The following OSBPL3 variants were observed in gnomAD, a reference collection of about 807,000 sequenced individuals.
The protein encoded by OSBPL3 is oxysterol-binding protein-related protein 3.
A neutral mutation model predicts 120.1 loss-of-function variants in OSBPL3; 65 were observed. The observed-to-expected ratio is 0.54, with a 90% CI of 0.44 to 0.67. The LOEUF (loss-of-function observed/expected upper bound fraction) is 0.67, where lower values mean the gene tolerates loss of function less well. Among genes scored for constraint, OSBPL3 ranks in the 30% least tolerant of loss-of-function variants. The probability of loss-of-function intolerance (pLI) is 0.00; values close to 1 mark genes in which losing one functional copy is unlikely to be tolerated. For missense variants in OSBPL3, 1,004 were observed against 1,082.1 expected, an observed-to-expected ratio of 0.93 and a Z score of 1.01; for synonymous variants, 416 against 402.6, an observed-to-expected ratio of 1.03 and a Z score of -0.40.
At chr7:24,914,676 G>C (rs1562921569) in intron 1 of OSBPL3, among the ~76,000 whole-genome samples, 1 of 152,142 alleles carries the variant, frequency 6.6e-6, no homozygotes, top group Non-Finnish European at 1.5e-5. Context: ...CAAAACTTAA[G>C]TGTGTGAAGT....
intron 11 of OSBPL3, among the ~76,000 whole-genome samples, chr7:24,850,919 A>T (rs1421029065): frequency 6.6e-6 from 1 of 152,266 alleles, no homozygotes; most frequent in African/African-American, 2.4e-5. Context: ...AAGGAAAGAA[A>T]GGATCATTCG....
At chr7:24,892,079 C>G (rs1372866982) in intron 2 of OSBPL3, among the ~76,000 whole-genome samples, 1 of 152,116 alleles carries the variant, frequency 6.6e-6, no homozygotes, top group Non-Finnish European at 1.5e-5. Context: ...GGGCAAGTAA[C>G]CTGGTCAGTC....
Position 24,880,809 on chromosome 7 carries a change from C to T in OSBPL3, c.97-8740G>A, listed in dbSNP as rs571053388. Among the ~76,000 whole-genome samples, 4 of 152,320 alleles carry T rather than the reference C, an allele frequency of 2.6e-5. No homozygotes were observed. The South Asian group carries it at 8.3e-4, about 32-fold the overall frequency. Reference sequence around the variant, plus strand: ...TATGAAGGGGAGAAAAACTCCAAAACAGGCTCCTGTGTGAATGGGACTGGG... The same window carrying T: ...TATGAAGGGGAGAAAAACTCCAAAATAGGCTCCTGTGTGAATGGGACTGGG... On this transcript the variant is annotated intron_variant, in intron 2 of 22. Transcript: ENST00000313367.
intron 1 of OSBPL3, among the ~76,000 whole-genome samples, chr7:24,914,448 T>G (rs1809271399): frequency 6.6e-6 from 1 of 152,256 alleles, no homozygotes; most frequent in African/African-American, 2.4e-5. Context: ...TTATTGAAAT[T>G]TACATAGCCA....
chr7:24,926,132 G>A (rs775177844), intron 1 of OSBPL3, among the ~76,000 whole-genome samples: 1 of 152,180 alleles, frequency 6.6e-6, no homozygotes, highest in Non-Finnish European at 1.5e-5. Flanking sequence ...CCCCTCAGGT[G>A]TACTGAATTG....
chr7:24,830,717 T>C lies in OSBPL3; in HGVS notation c.1884+51A>G, dbSNP rs1232320558. ...ATAAATATTTCAGAAGCACATTTAA[T>C]GGGAGACATAAGCAACCCCTCCCAA... On this transcript the variant is annotated intron_variant, in intron 16 of 22. Transcript: ENST00000313367. The surrounding 1 kb of genome is among the most constrained non-coding windows in gnomAD (Gnocchi z 4.4). 2 of 1,538,728 alleles carry C rather than the reference T, an allele frequency of 1.3e-6. No homozygotes were observed. The highest frequency in any genetic ancestry group is 4.6e-5 in the East Asian group (2 of 43,144).
rs374523521 is a variant in OSBPL3, at chr7:24,896,212, G to C, written c.-149-3591C>G. On this transcript the variant is annotated intron_variant, in intron 1 of 22. Transcript: ENST00000313367. The surrounding 1 kb of genome is among the most constrained non-coding windows in gnomAD (Gnocchi z 4.4). ...CAAACCACCTGGTGGTGAGGTTGAGGAGGAGAGAACTTATGGCCCTTTCCT... is the reference window on the plus strand; with the variant it reads ...CAAACCACCTGGTGGTGAGGTTGAGCAGGAGAGAACTTATGGCCCTTTCCT... 1.3e-5 allele frequency among the ~76,000 whole-genome samples: 2 copies of C among 152,224 alleles called. No individual in the cohort carries two copies. The highest frequency in any genetic ancestry group is 4.8e-5 in the African/African-American group (2 of 41,460).
Position 24,827,074 on chromosome 7 carries a change from C to T in OSBPL3, c.1884+3694G>A, listed in dbSNP as rs899298665. Among the ~76,000 whole-genome samples, 5 of 152,208 alleles carry T rather than the reference C, an allele frequency of 3.3e-5. No individual in the cohort carries two copies. Among genetic ancestry groups the T allele is most frequent in the Admixed American group, 3.3e-4 (5 of 15,274 alleles). The stretch of plus-strand genomic sequence containing the variant: ...TTGGAGATACAATTTCCATCATTAT[C>T]CTCCTTAGAAAAAAATTCCACCCAA... On this transcript the variant is annotated intron_variant, in intron 16 of 22. Transcript: ENST00000313367. The surrounding 1 kb of genome is among the most constrained non-coding windows in gnomAD (Gnocchi z 5.1).
At chr7:24,840,101 A>G (rs1012158115) in intron 14 of OSBPL3, among the ~76,000 whole-genome samples, 2 of 151,768 alleles carry the variant, frequency 1.3e-5, no homozygotes, top group African/African-American at 4.8e-5. Context: ...AAGCAGACAA[A>G]TTTATTTGAA....
rs1015054655 is a variant in OSBPL3, at chr7:24,821,503, A to G, written c.1885-1265T>C. On this transcript the variant is annotated intron_variant, in intron 16 of 22. Transcript: ENST00000313367. The surrounding 1 kb of genome is among the most constrained non-coding windows in gnomAD (Gnocchi z 5.5). ...TCCTTGGGACCCTCAGCTGAGGAAC[A>G]TGGTTTGAAAACTACTTCTGTATGC... 2.0e-5 allele frequency among the ~76,000 whole-genome samples: 3 copies of G among 152,282 alleles called. No homozygotes were observed. Among genetic ancestry groups the G allele is most frequent in the Non-Finnish European group, 4.4e-5 (3 of 68,026 alleles).
chr7:24,800,241 T>G lies in OSBPL3; in HGVS notation c.2606A>C (p.Tyr869Ser). 6.2e-7 allele frequency: 1 copy of G among 1,612,654 alleles called. No homozygotes were observed. The highest frequency in any genetic ancestry group is 8.5e-7 in the Non-Finnish European group (1 of 1,178,766). The stretch of plus-strand genomic sequence containing the variant: ...ACCAAGATCTTTTCTAAGTTCCAAA[T>G]AGGTGCCGTTGCTCACCCAAGAGTC... Reference protein sequence around the residue: ...DDDSWVSNGTYLELRKDLGFS... With the variant: ...DDDSWVSNGTSLELRKDLGFS... The change falls in exon 23 of 23, where the codon TAT becomes TCT. Residue 869 changes from tyrosine to serine, a missense_variant. By Grantham distance (144) the Tyr-to-Ser change is moderately radical. This residue lies in a region of OSBPL3 where 473 missense variants were observed against 568.0 expected (regional missense o/e 0.83). Coordinates refer to ENST00000313367, the MANE Select transcript of OSBPL3 (RefSeq NM_015550.4).
In OSBPL3 at chr7:24,805,627, G is replaced by A. The variant is rs1792933426; in HGVS notation, c.2444+1149C>T. On this transcript the variant is annotated intron_variant, in intron 21 of 22. Coordinates refer to ENST00000313367, the MANE Select transcript of OSBPL3 (RefSeq NM_015550.4). This position sits in a 1 kb window ranked among gnomAD's most constrained non-coding sequence, Gnocchi z 4.0. Reference sequence around the variant, plus strand: ...AGACAAACTGCACGAAACAGTACAAGCATAATGTGCATAGCAAGATAGCTT... The same window carrying A: ...AGACAAACTGCACGAAACAGTACAAACATAATGTGCATAGCAAGATAGCTT... Among the ~76,000 whole-genome samples the A allele has an allele frequency of 6.6e-6, 1 of 152,136 alleles. No individual in the cohort carries two copies. Among genetic ancestry groups the A allele is most frequent in the African/African-American group, 2.4e-5 (1 of 41,416 alleles).
At chr7:24,979,851 C>T in intron 1 of OSBPL3, 35 bp downstream of exon 1, 1 of 976,032 alleles carries the variant, frequency 1.0e-6, no homozygotes, top group Non-Finnish European at 1.2e-6. Context: ...CCCCCGACAC[C>T]CAGGCCCCAT....
Position 24,865,450 on chromosome 7 carries a change from T to G in OSBPL3, c.565A>C (p.Lys189Gln). The change falls in exon 7 of 23, where the codon AAG (lysine) becomes CAG (glutamine). Residue 189 changes from lysine (K) to glutamine (Q), a missense_variant. Lys to Gln is a moderately conservative substitution (Grantham distance 53, BLOSUM62 1). Transcript: ENST00000313367. ...CTTCCAGTTTGAAATAAATTCTGCT[T>G]TGATATACTGCTACGCTGTTCCACG... is the stretch of plus-strand genomic sequence containing the variant. ...ISSRKRSSIS[K>Q]QNLFQTGSNV... The G allele has an allele frequency of 6.2e-7, 1 of 1,613,864 alleles. No individual in the cohort carries two copies. Among genetic ancestry groups the G allele is most frequent in the Non-Finnish European group, 8.5e-7 (1 of 1,179,798 alleles).
At chr7:24,917,813 A>T (rs945906102) in intron 1 of OSBPL3, 1 of 152,314 alleles carries the variant, frequency 6.6e-6, no homozygotes, top group Admixed American at 6.5e-5. Context: ...ACACCATGTA[A>T]CATATGTTGG....
rs943812809 is a variant in OSBPL3, at chr7:24,968,948, T to C, written c.-150+10938A>G. On this transcript the variant is annotated intron_variant, in intron 1 of 22. Transcript: ENST00000313367. The surrounding 1 kb of genome is among the most constrained non-coding windows in gnomAD (Gnocchi z 4.6). ...ACTTGCAATCTGGTATTTATTCAAATACTCCAAGAAACAATTTTGCATATA... is the reference window on the plus strand; with the variant it reads ...ACTTGCAATCTGGTATTTATTCAAACACTCCAAGAAACAATTTTGCATATA... Among the ~76,000 whole-genome samples the C allele has an allele frequency of 2.0e-5, 3 of 152,212 alleles. No homozygotes were observed. The highest frequency in any genetic ancestry group is 4.4e-5 in the Non-Finnish European group (3 of 68,028).
At chr7:24,866,021 A>T (rs995918768) in intron 6 of OSBPL3, 49 bp downstream of exon 6, 2 of 1,529,768 alleles carry the variant, frequency 1.3e-6, no homozygotes, top group Admixed American at 1.7e-5. Context: ...GACTCCATGA[A>T]ACAAAGCCAC....
intron 16 of OSBPL3, among the ~76,000 whole-genome samples, chr7:24,825,362 A>C (rs556654764): frequency 6.6e-6 from 1 of 152,186 alleles, no homozygotes; most frequent in Admixed American, 6.5e-5. Context: ...AAGAGCTATT[A>C]AGGATGATGC....
chr7:24,856,320 G>T (rs1451875903), intron 10 of OSBPL3, among the ~76,000 whole-genome samples: 1 of 152,082 alleles, frequency 6.6e-6, no homozygotes, highest in East Asian at 1.9e-4. Flanking sequence ...AGGCTTCCAT[G>T]CTGTTCTTTT....
Sources: allele counts gnomAD v4.1 joint callset (sites outside exome capture counted in the v4.1 genomes callset), GRCh38; gene constraint gnomAD v4.1.1; regional missense constraint gnomAD v4.1.1; non-coding constraint Gnocchi (gnomAD v3.1); transcripts MANE v1.5; gene names NCBI Gene and HGNC (gene_info 2026-07-23, HGNC 2026-07-21).